Variants in CDC42BPA observed in about 807,000 individuals in gnomAD.
CDC42BPA encodes CDC42 binding protein kinase alpha.
A neutral mutation model predicts 223.5 loss-of-function variants in CDC42BPA; 80 were observed. The ratio of observed to expected loss-of-function variants is 0.36; its 90% CI spans 0.30 to 0.43. The LOEUF (loss-of-function observed/expected upper bound fraction) is 0.43, where lower values mean the gene tolerates loss of function less well. Among genes scored for constraint, CDC42BPA ranks in the 20% least tolerant of loss-of-function variants. The pLI, the probability that CDC42BPA is intolerant of heterozygous loss-of-function variation, is 1.00. For missense variants in CDC42BPA, 1,743 were observed against 2,099.9 expected (o/e 0.83, Z 3.32); for synonymous variants, 694 against 718.6 (o/e 0.97, Z 0.55).
intron 1 of CDC42BPA, among the ~76,000 whole-genome samples, chr1:227,285,135 C>T (rs1330460409): frequency 6.6e-6 from 1 of 152,136 alleles, no homozygotes; most frequent in Admixed American, 6.6e-5. Context: ...ACTATCTACA[C>T]AGTTTCATTA....
At chr1:227,168,494 G>GGT (rs200835261) in intron 5 of CDC42BPA, among the ~76,000 whole-genome samples, 2 of 21,816 alleles carry the variant, frequency 9.2e-5, no homozygotes, top group Non-Finnish European at 2.1e-4. Flanking sequence ...TATCTTCCCT[G>GGT]GTGTTTTTTT....
intron 3 of CDC42BPA, among the ~76,000 whole-genome samples, chr1:227,207,635 G>A (rs748199182): frequency 2.0e-5 from 3 of 150,464 alleles, no homozygotes; most frequent in Non-Finnish European, 4.4e-5. Flanking sequence ...TTGTTCTTGC[G>A]ATAGTTTACT....
intron 5 of CDC42BPA, among the ~76,000 whole-genome samples, chr1:227,191,982 C>A (rs79441123): frequency 8.2e-6 from 1 of 121,436 alleles, no homozygotes. Flanking sequence ...AAAAAAAAAA[C>A]TGCATTGTAC....
intron 1 of CDC42BPA, among the ~76,000 whole-genome samples, chr1:227,276,207 C>T (rs1186199153): frequency 2.0e-5 from 3 of 151,022 alleles, no homozygotes; most frequent in African/African-American, 7.3e-5. Context: ...AGCGCCTCTG[C>T]CCCGCCGCCC....
At chr1:227,004,825 A>G in intron 35 of CDC42BPA, 169 bp downstream of exon 35, 1 of 736,558 alleles carries the variant, frequency 1.4e-6, no homozygotes, top group Non-Finnish European at 2.5e-6. Flanking sequence ...TTTCTTAACA[A>G]CTGCATTTGT....
chr1:227,220,285 TATATATATATATATATA>T (rs1675608845), intron 2 of CDC42BPA, among the ~76,000 whole-genome samples: 1 of 57,594 alleles, frequency 1.7e-5, no homozygotes, highest in African/African-American at 6.5e-5. Context: ...AGTCATGTTA[TATATATATATATATATA>T]TATATATATA....
chr1:227,048,084 C>A, intron 22 of CDC42BPA, 74 bp from the exon 23 acceptor site: 13 of 860,692 alleles, frequency 1.5e-5, no homozygotes, highest in South Asian at 7.9e-5. Flanking sequence ...TAGAAAGAAG[C>A]CAAAATAAAT....
intron 3 of CDC42BPA, among the ~76,000 whole-genome samples, chr1:227,205,560 T>C (rs1317230244): frequency 6.6e-6 from 1 of 152,048 alleles, no homozygotes; most frequent in Non-Finnish European, 1.5e-5. Context: ...GAACTTGCAT[T>C]TGTTCATTTT....
At chr1:227,215,213 T>C (rs1558784037) in intron 2 of CDC42BPA, among the ~76,000 whole-genome samples, 1 of 152,200 alleles carries the variant, frequency 6.6e-6, no homozygotes, top group Non-Finnish European at 1.5e-5. Flanking sequence ...GCAGTAGGAA[T>C]AATGATGACG....
intron 35 of CDC42BPA, chr1:227,004,679 C>A (rs767223657): frequency 5.7e-6 from 2 of 352,966 alleles, no homozygotes; most frequent in Non-Finnish European, 1.1e-5. Flanking sequence ...AGGGATTCAT[C>A]CCTAACAGCT....
chr1:227,308,490 A>C (rs1692938709), intron 1 of CDC42BPA, among the ~76,000 whole-genome samples: 1 of 147,960 alleles, frequency 6.8e-6, no homozygotes, highest in Non-Finnish European at 1.5e-5. Flanking sequence ...AGCCTGGGCA[A>C]CACAGTGAGA....
In CDC42BPA at chr1:226,993,654, T is replaced by C. The variant is rs559436969; in HGVS notation, c.*614A>G. The C allele has an allele frequency of 2.0e-5, 3 of 152,840 alleles. No homozygotes were observed. The highest frequency in any genetic ancestry group is 4.4e-5 in the Non-Finnish European group (3 of 68,086). The allele number at this position is 152,840 out of a possible 1,614,324, so 9.5% of individuals were successfully genotyped here. ...TCTTTAAATTAAATCATCTCTCTTA[T>C]ATATGCATCCATCTTTTGTTGAATA... On this transcript the variant is annotated 3_prime_UTR_variant, in exon 37 of 37. Coordinates refer to ENST00000366766, the MANE Select transcript of CDC42BPA (RefSeq NM_001394014.1).
chr1:227,155,624 A>C (rs1050423671), intron 6 of CDC42BPA, among the ~76,000 whole-genome samples: 1 of 152,240 alleles, frequency 6.6e-6, no homozygotes, highest in Non-Finnish European at 1.5e-5. Flanking sequence ...AATTCCTTTT[A>C]TTAAGTAATT....
chr1:227,237,910 A>G (rs774239213), intron 2 of CDC42BPA, among the ~76,000 whole-genome samples: 20 of 151,870 alleles, frequency 1.3e-4, no homozygotes, highest in Non-Finnish European at 2.4e-4. Flanking sequence ...GTGGTGGTGC[A>G]TGCCTGTAAT....
chr1:227,262,542 C>T (rs1684266240), intron 1 of CDC42BPA, among the ~76,000 whole-genome samples: 1 of 152,108 alleles, frequency 6.6e-6, no homozygotes, highest in Non-Finnish European at 1.5e-5. Context: ...TAAACTTTGA[C>T]TAAGAAATAA....
chr1:227,167,477 CT>C (rs1297055405), intron 5 of CDC42BPA, among the ~76,000 whole-genome samples: 1 of 152,198 alleles, frequency 6.6e-6, no homozygotes, highest in African/African-American at 2.4e-5. Context: ...AACTATACCA[CT>C]TTCTTCTCTA....
rs191820075 is a variant in CDC42BPA, at chr1:227,296,246, G to A, written c.178+20759C>T. ...AGTTGATCTTCCACAACGATGCTGA[G>A]TCCATTCAATACAGAAAGAATAATC... is the stretch of plus-strand genomic sequence containing the variant. On this transcript the variant is annotated intron_variant, in intron 1 of 36. Coordinates refer to ENST00000366766, the MANE Select transcript of CDC42BPA (RefSeq NM_001394014.1). 4.6e-3 allele frequency among the ~76,000 whole-genome samples: 701 copies of A among 152,240 alleles called. 4 individuals carry two copies. The highest frequency in any genetic ancestry group is 0.016 in the African/African-American group (672 of 41,524).
rs1302291274 is a variant in CDC42BPA at position 227,168,497 on chromosome 1, G to GTGTTTTTTTTT, written c.600-7862_600-7861insAAAAAAAAACA. ...CTTTTTCATATTTATCTTCCCTGGTGTTTTTTTTTTTTTTTTGAGGCAGAG... is the reference window on the plus strand; with the variant it reads ...CTTTTTCATATTTATCTTCCCTGGTGTGTTTTTTTTTTTTTTTTTTTTTTTTTGAGGCAGAG... On this transcript the variant is annotated intron_variant, in intron 5 of 36. Coordinates refer to ENST00000366766, the MANE Select transcript of CDC42BPA (RefSeq NM_001394014.1). Among the ~76,000 whole-genome samples, 112 of 80,202 alleles carry GTGTTTTTTTTT rather than the reference G, an allele frequency of 1.4e-3. 7 individuals carry two copies. The highest frequency in any genetic ancestry group is 3.6e-3 in the South Asian group (8 of 2,226). The allele number at this position is 80,202 out of a possible 152,430, so 52.6% of individuals were successfully genotyped here. A position where few individuals can be genotyped will look rare whatever the true frequency, so the allele number is the denominator to read the frequency against.
rs141833041 is a variant in CDC42BPA at position 227,047,868 on chromosome 1, T to A, written c.3093+59A>T. ...TATCAAAAAAATCACAGCAAATGCA[T>A]AGAGCAGATAAAATTCATTTTTTTT... On this transcript the variant is annotated intron_variant, in intron 23 of 36. Transcript: ENST00000366766. 10 of 923,724 alleles carry A rather than the reference T, an allele frequency of 1.1e-5. No homozygotes were observed. In the Admixed American group the frequency reaches 2.0e-4, roughly 18 times the overall value. The allele number at this position is 923,724 out of a possible 1,614,324, so 57.2% of individuals were successfully genotyped here. A position where few individuals can be genotyped will look rare whatever the true frequency, so the allele number is the denominator to read the frequency against.
Sources: allele counts gnomAD v4.1 joint callset (sites outside exome capture counted in the v4.1 genomes callset), GRCh38; gene constraint gnomAD v4.1.1; transcripts MANE v1.5; gene names NCBI Gene and HGNC (gene_info 2026-07-23, HGNC 2026-07-21).